HTR2C: variants seen among roughly 807,000 people sequenced by gnomAD.
HTR2C encodes 5-hydroxytryptamine receptor 2C.
In HTR2C, 5 loss-of-function variants were observed where a neutral mutation model predicts 21.0. That is an observed-to-expected ratio of 0.24 (90% CI 0.12 to 0.50). The LOEUF is 0.50. HTR2C is among the 20% of genes least tolerant of loss of function. The pLI is 0.98. For synonymous variants in HTR2C, 150 were observed against 145.3 expected, an observed-to-expected ratio of 1.03 and a Z score of -0.23; for missense variants, 271 against 371.2, an observed-to-expected ratio of 0.73 and a Z score of 2.22.
chrX:114,730,849 A>T (rs782188498), intron 3 of HTR2C, among the ~76,000 whole-genome samples: 1 of 111,597 alleles, frequency 9.0e-6, no homozygotes, highest in Non-Finnish European at 1.9e-5. Flanking sequence ...GTGGTTTCAG[A>T]TCGCAGTAAA....
intron 4 of HTR2C, among the ~76,000 whole-genome samples, chrX:114,813,950 A>G (rs1054335238): frequency 9.0e-6 from 1 of 111,656 alleles, no homozygotes; most frequent in Admixed American, 9.6e-5. Flanking sequence ...GCTAGGATAC[A>G]GATATATGTA....
chrX:114,831,700 T>G (rs1352985956), intron 4 of HTR2C, among the ~76,000 whole-genome samples: 9 of 108,050 alleles, frequency 8.3e-5, no homozygotes, highest in Non-Finnish European at 1.3e-4. Context: ...CTCTTTAGTT[T>G]AATTAGATCC....
At chrX:114,750,317 T>G (rs1569490888) in intron 4 of HTR2C, among the ~76,000 whole-genome samples, 2 of 112,396 alleles carry the variant, frequency 1.8e-5, no homozygotes, top group African/African-American at 6.5e-5. Flanking sequence ...CCCATCCTGT[T>G]ATCCTGTCAT....
intron 2 of HTR2C, among the ~76,000 whole-genome samples, chrX:114,628,215 T>C (rs1156932969): frequency 1.8e-5 from 2 of 110,592 alleles, no homozygotes; most frequent in Admixed American, 1.9e-4. Flanking sequence ...AGGAGTCTTT[T>C]ATCTTGATAT....
intron 5 of HTR2C, among the ~76,000 whole-genome samples, chrX:114,856,421 C>A (rs1159457936): frequency 9.9e-6 from 1 of 100,844 alleles, no homozygotes; most frequent in Non-Finnish European, 2.0e-5. Context: ...GATTCAATGC[C>A]ATCCCCATCA....
rs183812570 is a variant in HTR2C, at chrX:114,826,970, A to T, written c.350-21033A>T. On this transcript the variant is annotated intron_variant, in intron 4 of 5. Coordinates refer to ENST00000276198, the MANE Select transcript of HTR2C (RefSeq NM_000868.4). Reference sequence around the variant, plus strand: ...CTTTTTATTTGAGTATTTCAATTTTATTGATCTATTGGCTTTTTTACTATA... The same window carrying T: ...CTTTTTATTTGAGTATTTCAATTTTTTTGATCTATTGGCTTTTTTACTATA... Among the ~76,000 whole-genome samples, 32 of 102,726 alleles carry T rather than the reference A, an allele frequency of 3.1e-4. No homozygotes were observed. The East Asian group carries it at 6.9e-3, about 22-fold the overall frequency. 89.2% of individuals were successfully genotyped at this position (102,726 alleles called of 115,157 possible).
At chrX:114,818,242 C>A (rs2070602651) in intron 4 of HTR2C, among the ~76,000 whole-genome samples, 1 of 111,264 alleles carries the variant, frequency 9.0e-6, no homozygotes, top group Non-Finnish European at 1.9e-5. Flanking sequence ...GTGAAGGACA[C>A]ACGTATATGA....
At chrX:114,792,456 CT>C (rs1312193235) in intron 4 of HTR2C, among the ~76,000 whole-genome samples, 2 of 111,472 alleles carry the variant, frequency 1.8e-5, no homozygotes, top group South Asian at 3.7e-4. Context: ...GATCTCATTC[CT>C]TTTTTTGGCT....
At chrX:114,881,448 A>G (rs1371918392) in intron 5 of HTR2C, among the ~76,000 whole-genome samples, 1 of 109,477 alleles carries the variant, frequency 9.1e-6, no homozygotes. Context: ...GTTTTCATCT[A>G]AAAGTTGTAC....
At chrX:114,797,200 C>A (rs782239932) in intron 4 of HTR2C, among the ~76,000 whole-genome samples, 5 of 111,396 alleles carry the variant, frequency 4.5e-5, no homozygotes, top group Non-Finnish European at 7.6e-5. Context: ...TATTTCCTGG[C>A]CATAGCTTCT....
intron 4 of HTR2C, among the ~76,000 whole-genome samples, chrX:114,812,628 C>G (rs964517430): frequency 1.1e-4 from 12 of 109,936 alleles, no homozygotes; most frequent in Non-Finnish European, 2.1e-4. Context: ...ACTTGTGATG[C>G]TGAGGCAGGA....
intron 2 of HTR2C, among the ~76,000 whole-genome samples, chrX:114,641,716 G>A (rs1556406514): frequency 2.7e-5 from 3 of 111,672 alleles, no homozygotes; most frequent in Non-Finnish European, 5.6e-5. Flanking sequence ...AAATATCATC[G>A]AGAAAAGATG....
chrX:114,776,126 A>G, intron 4 of HTR2C: 2 of 503,873 alleles, frequency 4.0e-6, no homozygotes, highest in Non-Finnish European at 7.1e-6. Context: ...TTTGACCTCA[A>G]AGATTCCATC....
At chrX:114,640,425 T>G (rs2147824873) in intron 2 of HTR2C, among the ~76,000 whole-genome samples, 1 of 111,773 alleles carries the variant, frequency 8.9e-6, no homozygotes, top group South Asian at 3.7e-4. Context: ...CATTGGGAAG[T>G]TGAACATTAA....
chrX:114,696,858 T>TG (rs1932294447), intron 2 of HTR2C, among the ~76,000 whole-genome samples: 1 of 111,119 alleles, frequency 9.0e-6, no homozygotes, highest in Non-Finnish European at 1.9e-5. Flanking sequence ...GCAAAGAAAA[T>TG]AATGCTCATA....
intron 5 of HTR2C, among the ~76,000 whole-genome samples, chrX:114,867,592 C>CAA (rs2071055834): frequency 9.0e-6 from 1 of 111,364 alleles, no homozygotes; most frequent in Admixed American, 9.6e-5. Context: ...AGACCAATGT[C>CAA]CTGGAGATTT....
chrX:114,643,330 A>G (rs1930210412), intron 2 of HTR2C, among the ~76,000 whole-genome samples: 1 of 110,552 alleles, frequency 9.0e-6, no homozygotes, highest in Non-Finnish European at 1.9e-5. Context: ...GTCTTAGGGG[A>G]AATGGGAGTA....
intron 5 of HTR2C, among the ~76,000 whole-genome samples, chrX:114,849,242 G>C (rs1455068602): frequency 1.8e-5 from 2 of 111,972 alleles, no homozygotes; most frequent in African/African-American, 6.5e-5. Flanking sequence ...CCATCACAAA[G>C]AGTTCATCTA....
At chrX:114,852,632 T>C (rs2070927719) in intron 5 of HTR2C, among the ~76,000 whole-genome samples, 1 of 111,480 alleles carries the variant, frequency 9.0e-6, no homozygotes, top group African/African-American at 3.3e-5. Context: ...AAAAGCTAAA[T>C]TCATTCTATT....
Sources: gnomAD v4.1 joint callset for allele counts (sites outside exome capture counted in the v4.1 genomes callset) on GRCh38, gnomAD v4.1.1 for gene constraint, MANE v1.5 for transcripts, NCBI Gene and HGNC (gene_info 2026-07-23, HGNC 2026-07-21) for gene names.